KY: variants seen among roughly 807,000 people sequenced by gnomAD.
KY encodes the protein kyphoscoliosis peptidase.
KY carries 43 observed loss-of-function variants against 76.1 expected under a neutral mutation model. The ratio of observed to expected loss-of-function variants is 0.57; its 90% confidence interval spans 0.44 to 0.73. KY has a LOEUF of 0.73. KY is among the 30% of genes least tolerant of loss of function. KY has a pLI of 0.00. For synonymous variants in KY, 277 were observed against 326.2 expected, an observed-to-expected ratio of 0.85 and a Z score of 1.63; for missense variants, 722 against 828.9, an observed-to-expected ratio of 0.87 and a Z score of 1.58.
chr3:134,639,345 A>C (rs1357421912), intron 3 of KY, among the ~76,000 whole-genome samples: 4 of 152,140 alleles, frequency 2.6e-5, no homozygotes, highest in African/African-American at 9.7e-5. Flanking sequence ...CCCACTCAGC[A>C]GCTCTCATTA....
intron 8 of KY, among the ~76,000 whole-genome samples, chr3:134,618,459 A>T (rs1165433949): frequency 1.3e-5 from 2 of 152,220 alleles, no homozygotes; most frequent in Non-Finnish European, 2.9e-5. Context: ...GGGCTAGCTG[A>T]CTGTTTTCTG....
intron 9 of KY, among the ~76,000 whole-genome samples, chr3:134,609,672 C>G (rs912453581): frequency 6.6e-6 from 1 of 152,172 alleles, no homozygotes; most frequent in Non-Finnish European, 1.5e-5. Context: ...CTGCCCTGCC[C>G]CACTGTGCCT....
At chr3:134,645,739 G>C (rs927208462) in intron 2 of KY, among the ~76,000 whole-genome samples, 1 of 152,160 alleles carries the variant, frequency 6.6e-6, no homozygotes, top group Non-Finnish European at 1.5e-5. Flanking sequence ...AGTTCTCATG[G>C]TGGTTTTGCA....
chr3:134,635,327 T>A (rs1197178211), intron 3 of KY, among the ~76,000 whole-genome samples: 1 of 151,744 alleles, frequency 6.6e-6, no homozygotes, highest in Non-Finnish European at 1.5e-5. Context: ...TGAAACCCCA[T>A]CTCTACTAAA....
At chr3:134,640,437 G>A (rs1323227875) in intron 3 of KY, among the ~76,000 whole-genome samples, 5 of 152,182 alleles carry the variant, frequency 3.3e-5, no homozygotes, top group Non-Finnish European at 5.9e-5. Flanking sequence ...ACAAAAGGTG[G>A]TTGTGGAGAT....
intron 9 of KY, among the ~76,000 whole-genome samples, chr3:134,609,989 C>T (rs1960078397): frequency 6.6e-6 from 1 of 152,136 alleles, no homozygotes; most frequent in Non-Finnish European, 1.5e-5. Flanking sequence ...GGGAGTTTGT[C>T]AGTGGAGGGT....
intron 10 of KY, among the ~76,000 whole-genome samples, chr3:134,604,901 C>G (rs1278315091): frequency 6.6e-6 from 1 of 152,184 alleles, no homozygotes; most frequent in Non-Finnish European, 1.5e-5. Context: ...TAGCATCTGT[C>G]TAAGTGTCAA....
At chr3:134,616,141 G>A (rs1347517689) in intron 8 of KY, among the ~76,000 whole-genome samples, 1 of 152,162 alleles carries the variant, frequency 6.6e-6, no homozygotes, top group Admixed American at 6.5e-5. Flanking sequence ...GCAGGCAACT[G>A]AGGCAAAAAG....
chr3:134,604,003 G>C lies in KY; in HGVS notation c.1562C>G (p.Thr521Ser). 2 of 1,613,918 alleles carry C rather than the reference G, an allele frequency of 1.2e-6. No homozygotes were observed. Among genetic ancestry groups the C allele is most frequent in the South Asian group, 2.2e-5 (2 of 91,078 alleles). Reference sequence around the variant, plus strand: ...ATGGGGCAGCTGGACTTTCAGCTCGGTCTGCTTCTCCCGGTGCAGCTGGAA... The same window carrying C: ...ATGGGGCAGCTGGACTTTCAGCTCGCTCTGCTTCTCCCGGTGCAGCTGGAA... ...YIFQLHREKQ[T>S]ELKVQLPHAG... The change falls in exon 11 of 11, where the codon ACC (threonine) becomes AGC (serine). Residue 521 changes from threonine (T) to serine (S), a missense_variant. Around this residue, in one of 2 missense-constraint regions of KY, gnomAD observed 552 missense variants for 680.9 expected, o/e 0.81. Transcript: ENST00000423778.
chr3:134,632,891 A>C (rs1964421794), intron 3 of KY, among the ~76,000 whole-genome samples: 1 of 152,016 alleles, frequency 6.6e-6, no homozygotes, highest in Non-Finnish European at 1.5e-5. Flanking sequence ...GACACAAATC[A>C]GGGGTAAATA....
intron 9 of KY, 146 bp from the exon 10 acceptor site, chr3:134,608,985 A>G: frequency 1.1e-6 from 1 of 915,744 alleles, no homozygotes; most frequent in Admixed American, 2.9e-5. Flanking sequence ...ACTCCTCCTC[A>G]GTGGATGCTT....
intron 4 of KY, chr3:134,628,136 C>A (rs1963715530): frequency 5.4e-6 from 2 of 368,128 alleles, no homozygotes; most frequent in Non-Finnish European, 1.0e-5. Context: ...GGTGTTCCTG[C>A]CCTCTTTTGG....
chr3:134,643,229 C>A, intron 3 of KY, 87 bp downstream of exon 3: 1 of 1,307,384 alleles, frequency 7.6e-7, no homozygotes, highest in South Asian at 1.2e-5. Context: ...ATAGTCTGAG[C>A]TCCACATCCT....
At chr3:134,620,225 G>C (rs1045912214) in intron 7 of KY, among the ~76,000 whole-genome samples, 2 of 152,162 alleles carry the variant, frequency 1.3e-5, no homozygotes, top group Non-Finnish European at 2.9e-5. Context: ...CATAGGCCCA[G>C]GTCCCTCAGG....
chr3:134,610,275 G>A lies in KY; in HGVS notation c.819C>T (p.Tyr273=). 1.9e-6 allele frequency: 3 copies of A among 1,613,910 alleles called. No homozygotes were observed. The South Asian group carries it at 3.3e-5, about 18-fold the overall frequency. Residue 273 remains tyrosine (Y), a synonymous_variant, in exon 9 of 11, where the codon TAC becomes TAT. Transcript: ENST00000423778. The part of the protein sequence containing the change: ...GEFDHAWNAV[Y]LEGRWHLVDS... Reference sequence around the variant, plus strand: ...CCACCAGGTGCCATCTTCCCTCCAGGTACACAGCATTCCAGGCATGGTCAA... The same window carrying A: ...CCACCAGGTGCCATCTTCCCTCCAGATACACAGCATTCCAGGCATGGTCAA...
chr3:134,643,171 G>A, intron 3 of KY, 145 bp downstream of exon 3: 1 of 666,808 alleles, frequency 1.5e-6, no homozygotes. Flanking sequence ...GCAGGGAGAG[G>A]AAAAGGGTTT....
At chr3:134,630,063 C>T (rs928258504) in intron 3 of KY, among the ~76,000 whole-genome samples, 4 of 152,184 alleles carry the variant, frequency 2.6e-5, no homozygotes, top group Middle Eastern at 3.2e-3. Flanking sequence ...TTCTTCTTTC[C>T]CCTCTGGTAT....
intron 3 of KY, 134 bp from the exon 4 acceptor site, chr3:134,629,829 T>C (rs1963985046): frequency 1.6e-6 from 1 of 630,714 alleles, no homozygotes; most frequent in Admixed American, 2.7e-5. Flanking sequence ...TCCTTGTTTT[T>C]TTCTTTAAAT....
intron 4 of KY, 93 bp downstream of exon 4, chr3:134,629,528 C>A: frequency 1.1e-6 from 1 of 928,868 alleles, no homozygotes; most frequent in South Asian, 1.4e-5. Context: ...CTTCTCCTTC[C>A]CTCAGAAGAT....
Sources: gnomAD v4.1 joint callset for allele counts (sites outside exome capture counted in the v4.1 genomes callset) on GRCh38, gnomAD v4.1.1 for gene constraint, gnomAD v4.1.1 regional missense constraint, MANE v1.5 for transcripts, NCBI Gene and HGNC (gene_info 2026-07-23, HGNC 2026-07-21) for gene names.